Variants in FHIT observed in about 807,000 individuals in gnomAD.
FHIT encodes bis(5'-adenosyl)-triphosphatase.
In FHIT, 19 loss-of-function variants were observed where a neutral mutation model predicts 17.9. The observed-to-expected ratio is 1.06, with a 90% CI of 0.74 to 1.56. The LOEUF (loss-of-function observed/expected upper bound fraction) is 1.56. Among genes scored for constraint, FHIT ranks in the 40% most tolerant of loss-of-function variants. The pLI, the probability that FHIT is intolerant of heterozygous loss-of-function variation, is 0.00. For missense variants in FHIT, 248 were observed against 189.2 expected (o/e 1.31, Z -1.82); for synonymous variants, 81 against 69.7 (o/e 1.16, Z -0.81).
chr3:59,870,029 T>A (rs1425688335), intron 8 of FHIT, among the ~76,000 whole-genome samples: 1 of 152,142 alleles, frequency 6.6e-6, no homozygotes, highest in Admixed American at 6.5e-5. Flanking sequence ...TACCAGCAAT[T>A]ATTATCATCT....
chr3:61,094,965 G>A (rs1198799024), intron 2 of FHIT, among the ~76,000 whole-genome samples: 1 of 152,132 alleles, frequency 6.6e-6, no homozygotes, highest in Non-Finnish European at 1.5e-5. Flanking sequence ...AGTTGACCAT[G>A]GTTAACTGAA....
chr3:60,488,485 T>C (rs1458005412), intron 5 of FHIT, among the ~76,000 whole-genome samples: 5 of 152,122 alleles, frequency 3.3e-5, no homozygotes, highest in African/African-American at 1.2e-4. Flanking sequence ...AAAAGGTGGG[T>C]TACCTAGAAG....
chr3:60,528,433 GGAAAAAAGGAAGGAAGGAA>G, intron 5 of FHIT, among the ~76,000 whole-genome samples: 1 of 129,260 alleles, frequency 7.7e-6, no homozygotes, highest in Non-Finnish European at 1.5e-5. Flanking sequence ...AAGGAAGGAA[GGAAAAAAGGAAGGAAGGAA>G]GGAAGGAAAT....
At chr3:60,059,193 G>A (rs1702205152) in intron 5 of FHIT, among the ~76,000 whole-genome samples, 1 of 152,162 alleles carries the variant, frequency 6.6e-6, no homozygotes, top group African/African-American at 2.4e-5. Flanking sequence ...TATATTGATA[G>A]GAAACACCTG....
At chr3:60,872,257 T>C (rs1575625141) in intron 3 of FHIT, among the ~76,000 whole-genome samples, 1 of 152,148 alleles carries the variant, frequency 6.6e-6, no homozygotes, top group African/African-American at 2.4e-5. Context: ...CAAAAAACAT[T>C]TGTAGGCAAA....
chr3:60,820,543 C>T (rs553832495), intron 4 of FHIT, among the ~76,000 whole-genome samples: 8 of 152,174 alleles, frequency 5.3e-5, no homozygotes, highest in Non-Finnish European at 8.8e-5. Context: ...CATCCCACAA[C>T]AAGATGCAGC....
intron 3 of FHIT, among the ~76,000 whole-genome samples, chr3:61,007,641 G>T (rs923713856): frequency 1.3e-5 from 2 of 152,160 alleles, no homozygotes; most frequent in African/African-American, 4.8e-5. Context: ...GTAACTTGAA[G>T]GAAACGTGGG....
chr3:59,986,409 C>T (rs925690923), intron 7 of FHIT, among the ~76,000 whole-genome samples: 11 of 148,652 alleles, frequency 7.4e-5, no homozygotes, highest in Admixed American at 2.8e-4. Context: ...ACTTCTCAAA[C>T]AGTTATTCCC....
intron 4 of FHIT, among the ~76,000 whole-genome samples, chr3:60,661,210 T>C (rs1282097749): frequency 6.6e-6 from 1 of 152,092 alleles, no homozygotes; most frequent in Admixed American, 6.6e-5. Context: ...ACCTCCCTCC[T>C]CCCTCACTTG....
intron 8 of FHIT, among the ~76,000 whole-genome samples, chr3:59,753,588 A>T (rs1252177039): frequency 2.0e-5 from 3 of 152,212 alleles, no homozygotes; most frequent in African/African-American, 7.2e-5. Context: ...ATGGGAATGC[A>T]CAGTGTAGTA....
intron 5 of FHIT, among the ~76,000 whole-genome samples, chr3:60,252,251 G>A (rs1705748135): frequency 6.6e-6 from 1 of 152,088 alleles, no homozygotes; most frequent in South Asian, 2.1e-4. Context: ...GAAAAACAGT[G>A]CTTTATATTG....
chr3:59,868,466 A>G lies in FHIT; in HGVS notation c.348+53880T>C, dbSNP rs1255959882. ...AAAATTAGCTCAAGCATCCCTTGAT[A>G]TAAAAAGCAAATATGAGGTCTTGAA... On this transcript the variant is annotated intron_variant, in intron 8 of 9. Transcript: ENST00000492590. Among the ~76,000 whole-genome samples the G allele has an allele frequency of 5.3e-5, 8 of 152,262 alleles. No homozygotes were observed. In the South Asian group the frequency reaches 1.4e-3, roughly 28 times the overall value.
chr3:60,011,579 G>C (rs1700142073), intron 6 of FHIT, among the ~76,000 whole-genome samples, 179 bp from the exon 7 acceptor site: 2 of 48,980 alleles, frequency 4.1e-5, no homozygotes, highest in African/African-American at 1.0e-4. Context: ...TTCCGCCTGA[G>C]AGTAAGTGCG....
At chr3:60,984,292 T>C (rs571016684) in intron 3 of FHIT, among the ~76,000 whole-genome samples, 1 of 152,352 alleles carries the variant, frequency 6.6e-6, no homozygotes, top group Non-Finnish European at 1.5e-5. Context: ...GGAAAATGTT[T>C]CATTGTGGTG....
chr3:60,541,614 C>G (rs1183365406), intron 4 of FHIT, among the ~76,000 whole-genome samples: 1 of 152,164 alleles, frequency 6.6e-6, no homozygotes, highest in Non-Finnish European at 1.5e-5. Flanking sequence ...GCAAGGACAT[C>G]CTTCAGAGTA....
intron 8 of FHIT, among the ~76,000 whole-genome samples, chr3:59,833,499 A>G (rs1456229097): frequency 6.6e-6 from 1 of 152,184 alleles, no homozygotes; most frequent in African/African-American, 2.4e-5. Flanking sequence ...CAGGCTACAG[A>G]GAGAGCATGA....
chr3:59,870,445 G>A (rs1359480813), intron 8 of FHIT, among the ~76,000 whole-genome samples: 1 of 152,114 alleles, frequency 6.6e-6, no homozygotes, highest in African/African-American at 2.4e-5. Flanking sequence ...AGTCTTAATA[G>A]TCAAGAAAAT....
chr3:60,071,973 T>C (rs1702793498), intron 5 of FHIT, among the ~76,000 whole-genome samples: 1 of 152,224 alleles, frequency 6.6e-6, no homozygotes, highest in Non-Finnish European at 1.5e-5. Context: ...TTATGAGGCT[T>C]CCTCAGCCAC....
At chr3:60,667,982 G>A (rs935095620) in intron 4 of FHIT, among the ~76,000 whole-genome samples, 4 of 152,014 alleles carry the variant, frequency 2.6e-5, no homozygotes, top group African/African-American at 9.7e-5. Flanking sequence ...GGTGGGGTCT[G>A]CCATCTGCCT....
Sources: allele counts gnomAD v4.1 joint callset (sites outside exome capture counted in the v4.1 genomes callset), GRCh38; gene constraint gnomAD v4.1.1; transcripts MANE v1.5; gene names NCBI Gene and HGNC (gene_info 2026-07-23, HGNC 2026-07-21).